The following SH3PXD2A variants were observed in gnomAD, a reference collection of about 807,000 sequenced individuals.
The protein encoded by SH3PXD2A is SH3 and PX domains 2A.
In SH3PXD2A, 32 loss-of-function variants were observed where a neutral mutation model predicts 115.2. That is an observed-to-expected ratio of 0.28 (90% CI 0.21 to 0.37). The LOEUF (loss-of-function observed/expected upper bound fraction) is 0.37, where lower values mean the gene tolerates loss of function less well. SH3PXD2A is among the 10% of genes least tolerant of loss of function. The pLI is 1.00. For synonymous variants in SH3PXD2A, 610 were observed against 629.1 expected (o/e 0.97, Z 0.45); for missense variants, 1,328 against 1,498.7 (o/e 0.89, Z 1.88).
intron 2 of SH3PXD2A, among the ~76,000 whole-genome samples, chr10:103,768,187 TG>T (rs758907606): frequency 2.8e-4 from 43 of 152,204 alleles, no homozygotes; most frequent in Admixed American, 1.5e-3. Context: ...TACACTCCGG[TG>T]GAGGGAGACA....
At chr10:103,749,761 C>A (rs2038552419) in intron 3 of SH3PXD2A, 1 of 152,212 alleles carries the variant, frequency 6.6e-6, no homozygotes. Flanking sequence ...ATTGTAACTG[C>A]CTTCCTCATC....
chr10:103,839,560 GCCCCTC>G (rs1313751263), intron 1 of SH3PXD2A, among the ~76,000 whole-genome samples: 1 of 151,808 alleles, frequency 6.6e-6, no homozygotes, highest in African/African-American at 2.4e-5. Context: ...GAAAGCTGCA[GCCCCTC>G]CCCCAAGGCC....
chr10:103,704,113 C>T (rs911497701), intron 5 of SH3PXD2A, among the ~76,000 whole-genome samples: 6 of 152,194 alleles, frequency 3.9e-5, no homozygotes, highest in African/African-American at 1.4e-4. Flanking sequence ...GTCACAGGGC[C>T]CTGCTGCCAG....
intron 6 of SH3PXD2A, chr10:103,678,200 T>C (rs1342990618): frequency 1.6e-6 from 2 of 1,268,564 alleles, no homozygotes; most frequent in Middle Eastern, 2.3e-4. Context: ...TCCCATGGTG[T>C]TTGCTGGGAG....
chr10:103,617,087 C>A (rs1592264571), intron 11 of SH3PXD2A, 110 bp downstream of exon 11: 2 of 752,554 alleles, frequency 2.7e-6, no homozygotes, highest in East Asian at 4.9e-5. Flanking sequence ...GTGCCGTGGG[C>A]ACAAAGCTGT....
intron 1 of SH3PXD2A, 27 bp downstream of exon 1, chr10:103,855,168 A>G (rs1313627912): frequency 6.6e-6 from 10 of 1,508,080 alleles, no homozygotes; most frequent in Admixed American, 6.4e-5. Flanking sequence ...GGCCACCCCC[A>G]GCAGGGTCGG....
intron 1 of SH3PXD2A, among the ~76,000 whole-genome samples, chr10:103,821,965 A>G (rs12259647): frequency 0.72 from 109,338 of 151,398 alleles, 39,543 homozygotes; most frequent in Middle Eastern, 0.78. Context: ...GTGCAGTGGC[A>G]CGATCTTGGC....
intron 8 of SH3PXD2A, among the ~76,000 whole-genome samples, chr10:103,652,159 G>T (rs1471228720): frequency 6.6e-6 from 1 of 152,266 alleles, no homozygotes; most frequent in African/African-American, 2.4e-5. Context: ...CTAAGAAGGG[G>T]AGTGTGGAGC....
intron 8 of SH3PXD2A, among the ~76,000 whole-genome samples, chr10:103,653,444 G>A (rs1243961774): frequency 6.6e-6 from 1 of 152,190 alleles, no homozygotes; most frequent in Non-Finnish European, 1.5e-5. Context: ...TGGCACTTCT[G>A]TGGGATTTCC....
intron 2 of SH3PXD2A, among the ~76,000 whole-genome samples, chr10:103,775,565 A>T (rs2134235000): frequency 6.6e-6 from 1 of 152,248 alleles, no homozygotes; most frequent in South Asian, 2.1e-4. Context: ...AATGGCAGGG[A>T]CTTATGCTCG....
chr10:103,735,036 C>T (rs1248955934), intron 4 of SH3PXD2A, among the ~76,000 whole-genome samples: 1 of 152,210 alleles, frequency 6.6e-6, no homozygotes, highest in African/African-American at 2.4e-5. Context: ...TTAGACAGGG[C>T]TTCCAACCCA....
At chr10:103,749,576 CT>C (rs2038550067) in intron 3 of SH3PXD2A, among the ~76,000 whole-genome samples, 1 of 152,182 alleles carries the variant, frequency 6.6e-6, no homozygotes. Context: ...CTGCCATCCA[CT>C]AACAGTGTTT....
At chr10:103,744,359 G>A (rs899322686) in intron 3 of SH3PXD2A, among the ~76,000 whole-genome samples, 3 of 151,806 alleles carry the variant, frequency 2.0e-5, no homozygotes, top group Non-Finnish European at 2.9e-5. Context: ...CTCCATGTTG[G>A]TCAGGCTGGT....
At position 103,665,700 on chromosome 10, in the gene SH3PXD2A, C is replaced by T. The variant is rs967807733; in HGVS notation, c.472+2908G>A. The stretch of plus-strand genomic sequence containing the variant: ...ACTTGCAGGCCAGGCAGGCAGTGGG[C>T]GGTGATGTCATCCCACAGAGGCCAC... On this transcript the variant is annotated intron_variant, in intron 7 of 14. Transcript: ENST00000369774. This position sits in a 1 kb window ranked among gnomAD's most constrained non-coding sequence, Gnocchi z 4.0. Among the ~76,000 whole-genome samples, 5 of 152,128 alleles carry T rather than the reference C, an allele frequency of 3.3e-5. No homozygotes were observed. The highest frequency in any genetic ancestry group is 9.7e-5 in the African/African-American group (4 of 41,422).
In SH3PXD2A at chr10:103,668,666, G is replaced by A. The variant is rs560078713; in HGVS notation, c.428-14C>T. ...TGGACAGCCACACTTCCGAGTCCCCGAGAGCAAGCGGCAGCAGGAGAGGAG... is the reference window on the plus strand; with the variant it reads ...TGGACAGCCACACTTCCGAGTCCCCAAGAGCAAGCGGCAGCAGGAGAGGAG... On this transcript the variant is annotated splice_polypyrimidine_tract_variant and intron_variant, in intron 6 of 14. Transcript: ENST00000369774. 22 of 1,555,742 alleles carry A rather than the reference G, an allele frequency of 1.4e-5. No homozygotes were observed. In the African/African-American group the frequency reaches 1.8e-4, roughly 13 times the overall value.
chr10:103,812,883 A>C (rs1040157210), intron 1 of SH3PXD2A, among the ~76,000 whole-genome samples: 4 of 152,250 alleles, frequency 2.6e-5, no homozygotes, highest in African/African-American at 9.6e-5. Context: ...TCTGTCGCCA[A>C]ACTTGCATTC....
At chr10:103,736,708 C>T in intron 3 of SH3PXD2A, 1 of 1,183,010 alleles carries the variant, frequency 8.5e-7, no homozygotes, top group Admixed American at 2.3e-5. Context: ...CTATCTGCCA[C>T]ATTCTGCTGT....
intron 2 of SH3PXD2A, among the ~76,000 whole-genome samples, chr10:103,772,445 C>A (rs573614123): frequency 6.6e-6 from 1 of 152,220 alleles, no homozygotes; most frequent in African/African-American, 2.4e-5. Context: ...GAAGCAGATT[C>A]TCCTGTCACT....
rs2038966402 is a variant in SH3PXD2A, at chr10:103,784,886, G to C, written c.153+16396C>G. Among the ~76,000 whole-genome samples, 1 of 152,188 alleles carries C rather than the reference G, an allele frequency of 6.6e-6. No homozygotes were observed. The highest frequency in any genetic ancestry group is 2.4e-5 in the African/African-American group (1 of 41,440). ...GGCACATGTGTGGCTTACACGCAGA[G>C]ACACCTGGGAGCGGCAGCCTACTAG... On this transcript the variant is annotated intron_variant, in intron 2 of 14. Coordinates refer to ENST00000369774, the MANE Select transcript of SH3PXD2A (RefSeq NM_001394015.1). The surrounding 1 kb of genome is among the most constrained non-coding windows in gnomAD (Gnocchi z 4.4).
Sources: gnomAD v4.1 joint callset for allele counts (sites outside exome capture counted in the v4.1 genomes callset) on GRCh38, gnomAD v4.1.1 for gene constraint, Gnocchi (gnomAD v3.1) non-coding constraint, MANE v1.5 for transcripts, NCBI Gene and HGNC (gene_info 2026-07-23, HGNC 2026-07-21) for gene names.